Variants in SCRG1 observed in about 807,000 individuals in gnomAD.
SCRG1 encodes the protein stimulator of chondrogenesis 1, also known as scrapie-responsive protein 1.
SCRG1 carries 3 observed loss-of-function variants against 7.7 expected under a neutral mutation model. That is an observed-to-expected ratio of 0.39 (90% CI 0.18 to 1.01). The LOEUF (loss-of-function observed/expected upper bound fraction) is 1.01, where lower values mean the gene tolerates loss of function less well. SCRG1 is among the 50% of genes least tolerant of loss of function. The pLI is 0.36. For synonymous variants in SCRG1, 46 were observed against 41.2 expected (o/e 1.12, Z -0.44); for missense variants, 110 against 117.2 (o/e 0.94, Z 0.28).
At chr4:173,396,399 C>T (rs1428585074) in intron 1 of SCRG1, among the ~76,000 whole-genome samples, 1 of 152,122 alleles carries the variant, frequency 6.6e-6, no homozygotes, top group Non-Finnish European at 1.5e-5. Flanking sequence ...AGGCAAAGGG[C>T]TGAGGCCCAG....
chr4:173,460,692 G>A, the SCRG1 span, among the ~76,000 whole-genome samples: 7 of 152,300 alleles, frequency 4.6e-5, no homozygotes, highest in East Asian at 1.4e-3. Flanking sequence ...CGAGGGCCTT[G>A]GTGAGCCTCT....
At chr4:173,466,535 G>A in the SCRG1 span, among the ~76,000 whole-genome samples, 2 of 152,292 alleles carry the variant, frequency 1.3e-5, no homozygotes, top group South Asian at 2.1e-4. Context: ...GGGAGACCAG[G>A]ATTCCAATTA....
At chr4:173,472,283 T>G in the SCRG1 span, among the ~76,000 whole-genome samples, 2 of 152,254 alleles carry the variant, frequency 1.3e-5, no homozygotes, top group East Asian at 3.8e-4. Context: ...TTATCTCCAG[T>G]ATATAACTTT....
At chr4:173,509,145 T>C in the SCRG1 span, among the ~76,000 whole-genome samples, 2 of 152,212 alleles carry the variant, frequency 1.3e-5, no homozygotes, top group Middle Eastern at 3.4e-3. The surrounding 1 kb of genome is among the most constrained non-coding windows in gnomAD (Gnocchi z 5.7). Flanking sequence ...TCCCTCTTGT[T>C]TTCTCATGCA....
the SCRG1 span, among the ~76,000 whole-genome samples, chr4:173,492,134 A>T: frequency 6.6e-6 from 1 of 152,118 alleles, no homozygotes; most frequent in Admixed American, 6.5e-5. Context: ...TGTCTCAAAC[A>T]TTTTTATTTT....
the SCRG1 span, among the ~76,000 whole-genome samples, chr4:173,499,707 T>C: frequency 2.6e-5 from 4 of 152,198 alleles, no homozygotes; most frequent in South Asian, 4.1e-4. The surrounding 1 kb of genome is among the most constrained non-coding windows in gnomAD (Gnocchi z 4.1). Flanking sequence ...AAAAGCCTCA[T>C]TGATGGCCTC....
chr4:173,511,102 G>T, the SCRG1 span, among the ~76,000 whole-genome samples: 1 of 152,112 alleles, frequency 6.6e-6, no homozygotes, highest in Non-Finnish European at 1.5e-5. The surrounding 1 kb of genome is among the most constrained non-coding windows in gnomAD (Gnocchi z 5.2). Context: ...GAGTAGCTGG[G>T]ACTATAGGCG....
At chr4:173,486,964 G>A in the SCRG1 span, among the ~76,000 whole-genome samples, 13 of 152,042 alleles carry the variant, frequency 8.6e-5, no homozygotes, top group East Asian at 3.9e-4. Flanking sequence ...CTTCCTCTCC[G>A]TCTCCCTTCT....
At chr4:173,477,437 C>G in the SCRG1 span, among the ~76,000 whole-genome samples, 2 of 152,062 alleles carry the variant, frequency 1.3e-5, no homozygotes, top group African/African-American at 4.8e-5. Context: ...TCGGTCATTC[C>G]CAAAATGTTT....
the SCRG1 span, among the ~76,000 whole-genome samples, chr4:173,448,758 G>T: frequency 6.6e-6 from 1 of 152,086 alleles, no homozygotes; most frequent in Middle Eastern, 3.2e-3. Flanking sequence ...TTTATGGATC[G>T]CTAGTTGTGC....
chr4:173,427,148 G>A, the SCRG1 span, among the ~76,000 whole-genome samples: 1 of 152,102 alleles, frequency 6.6e-6, no homozygotes, highest in African/African-American at 2.4e-5. Context: ...GACTTAGGAG[G>A]TTAGTTTGCC....
At chr4:173,485,066 AT>A in the SCRG1 span, among the ~76,000 whole-genome samples, 1 of 10,568 alleles carries the variant, frequency 9.5e-5, no homozygotes, top group Non-Finnish European at 2.2e-4. Context: ...TATATATTAT[AT>A]ATTATATATT....
rs1018975864 is a variant in SCRG1, at chr4:173,385,190, C to A, written c.*3151G>T. 28 of 152,110 alleles carry A rather than the reference C, an allele frequency of 1.8e-4. No homozygotes were observed. Among genetic ancestry groups the A allele is most frequent in the African/African-American group, 6.8e-4 (28 of 41,430 alleles). The allele number at this position is 152,110 out of a possible 1,614,324, so 9.4% of individuals were successfully genotyped here. A position where few individuals can be genotyped will look rare whatever the true frequency, so the allele number is the denominator to read the frequency against. Reference sequence around the variant, plus strand: ...AGCTTAGTTGTCTTATAACTAAAATCTATTGGAAAAACTCATGCCTGTAAT... The same window carrying A: ...AGCTTAGTTGTCTTATAACTAAAATATATTGGAAAAACTCATGCCTGTAAT... On this transcript the variant is annotated 3_prime_UTR_variant, in exon 3 of 3. Coordinates refer to ENST00000296506, the MANE Select transcript of SCRG1 (RefSeq NM_007281.4).
the SCRG1 span, among the ~76,000 whole-genome samples, chr4:173,418,208 G>T: frequency 2.0e-5 from 3 of 152,218 alleles, no homozygotes; most frequent in African/African-American, 7.2e-5. Context: ...TGCCCTCCCT[G>T]CATTGACCTT....
At chr4:173,434,044 T>C in the SCRG1 span, among the ~76,000 whole-genome samples, 2 of 152,196 alleles carry the variant, frequency 1.3e-5, no homozygotes, top group East Asian at 3.9e-4. Context: ...TCTGTTAAAA[T>C]ACCTAGTGTG....
At chr4:173,514,417 G>A in the SCRG1 span, among the ~76,000 whole-genome samples, 3 of 152,196 alleles carry the variant, frequency 2.0e-5, no homozygotes, top group Admixed American at 1.3e-4. Flanking sequence ...CCTAGAAATG[G>A]TTGCCTCTCA....
the SCRG1 span, among the ~76,000 whole-genome samples, chr4:173,433,635 T>C: frequency 6.6e-6 from 1 of 152,202 alleles, no homozygotes; most frequent in Admixed American, 6.5e-5. Flanking sequence ...TTCCCTTCTT[T>C]CTGTTTGCTT....
At chr4:173,420,190 C>T in the SCRG1 span, 36 of 400,988 alleles carry the variant, frequency 9.0e-5, no homozygotes, top group African/African-American at 7.4e-4. Flanking sequence ...TCAGGCCCGG[C>T]CCTAGTGGGG....
the SCRG1 span, among the ~76,000 whole-genome samples, chr4:173,504,282 G>A: frequency 6.6e-6 from 1 of 152,202 alleles, no homozygotes; most frequent in African/African-American, 2.4e-5. This position sits in a 1 kb window ranked among gnomAD's most constrained non-coding sequence, Gnocchi z 4.7. Context: ...GGAGCCCAGA[G>A]GCTTCCCTGC....
Sources: allele counts gnomAD v4.1 joint callset (sites outside exome capture counted in the v4.1 genomes callset), GRCh38; gene constraint gnomAD v4.1.1; non-coding constraint Gnocchi (gnomAD v3.1); transcripts MANE v1.5; gene names NCBI Gene and HGNC (gene_info 2026-07-23, HGNC 2026-07-21).